PCNX1: variants seen among roughly 807,000 people sequenced by gnomAD.
The protein encoded by PCNX1 is pecanex 1, also known as pecanex-like protein 1.
A neutral mutation model predicts 242.2 loss-of-function variants in PCNX1; 78 were observed. The ratio of observed to expected loss-of-function variants is 0.32; its 90% CI spans 0.27 to 0.39. The LOEUF is 0.39. Ranked by LOEUF, PCNX1 falls within the 10% of genes least tolerant of loss-of-function variation. The pLI is 1.00. For synonymous variants in PCNX1, 1,024 were observed against 1,032.9 expected, an observed-to-expected ratio of 0.99 and a Z score of 0.17; for missense variants, 2,581 against 2,856.5, an observed-to-expected ratio of 0.90 and a Z score of 2.20.
At chr14:70,992,533 A>G (rs1477149495) in intron 7 of PCNX1, among the ~76,000 whole-genome samples, 1 of 144,752 alleles carries the variant, frequency 6.9e-6, no homozygotes. Context: ...TTAGTTGGAG[A>G]GACACATAGA....
At chr14:71,073,865 G>GTA (rs890335051) in intron 27 of PCNX1, 67 bp downstream of exon 27, 114 of 1,138,118 alleles carry the variant, frequency 1.0e-4, no homozygotes, top group Admixed American at 4.6e-4. Flanking sequence ...ACATATATAA[G>GTA]TATATATATA....
intron 26 of PCNX1, among the ~76,000 whole-genome samples, chr14:71,071,808 T>C (rs1043099391): frequency 6.6e-6 from 1 of 152,156 alleles, no homozygotes; most frequent in African/African-American, 2.4e-5. Flanking sequence ...TAGCATTTGA[T>C]TTGAAGTGAG....
In PCNX1 at chr14:71,014,948, T is replaced by C. The variant is rs28771184; in HGVS notation, c.2996+1746T>C. Among the ~76,000 whole-genome samples the C allele has an allele frequency of 8.4e-3, 1,279 of 152,126 alleles. 11 individuals carry two copies. Among genetic ancestry groups the C allele is most frequent in the African/African-American group, 0.029 (1,196 of 41,524 alleles). Reference sequence around the variant, plus strand: ...CAACTGCTCAAAACCAGTGATAAAATTGTTAAAATTGCAAAAGAAAAAAAG... The same window carrying C: ...CAACTGCTCAAAACCAGTGATAAAACTGTTAAAATTGCAAAAGAAAAAAAG... On this transcript the variant is annotated intron_variant, in intron 11 of 35. Coordinates refer to ENST00000304743, the MANE Select transcript of PCNX1 (RefSeq NM_014982.3).
intron 24 of PCNX1, among the ~76,000 whole-genome samples, chr14:71,052,872 A>C (rs371770149): frequency 3.6e-3 from 549 of 152,280 alleles, no homozygotes; most frequent in African/African-American, 0.013. Context: ...TTGTTTCAGA[A>C]AGCGTTCCTA....
At chr14:71,104,863 T>C (rs1595515612) in intron 32 of PCNX1, among the ~76,000 whole-genome samples, 2 of 152,042 alleles carry the variant, frequency 1.3e-5, no homozygotes, top group Admixed American at 1.3e-4. Context: ...GAGGTGGAGG[T>C]TGCAGTGAGC....
intron 2 of PCNX1, among the ~76,000 whole-genome samples, chr14:70,952,138 A>T (rs1451906113): frequency 6.6e-6 from 1 of 152,220 alleles, no homozygotes; most frequent in African/African-American, 2.4e-5. Flanking sequence ...AATAAATGAA[A>T]TAATATATAG....
intron 27 of PCNX1, among the ~76,000 whole-genome samples, chr14:71,074,529 T>G (rs1316166178): frequency 1.3e-5 from 2 of 152,246 alleles, no homozygotes; most frequent in Non-Finnish European, 2.9e-5. Flanking sequence ...AGTTGTCCTC[T>G]CACAGTAGAG....
chr14:70,923,672 C>T (rs2526868), intron 1 of PCNX1, among the ~76,000 whole-genome samples: 106,096 of 152,008 alleles, frequency 0.7, 37,003 homozygotes, highest in South Asian at 0.76. Context: ...CCCCACCCCC[C>T]ACTTAATATA....
intron 30 of PCNX1, among the ~76,000 whole-genome samples, chr14:71,099,192 T>C (rs920444697): frequency 6.8e-6 from 1 of 147,900 alleles, no homozygotes; most frequent in Non-Finnish European, 1.5e-5. Context: ...GGAGTCTCAC[T>C]TTGTTGCCCA....
At chr14:71,019,459 A>G (rs1595263586) in intron 12 of PCNX1, among the ~76,000 whole-genome samples, 1 of 152,164 alleles carries the variant, frequency 6.6e-6, no homozygotes, top group Admixed American at 6.5e-5. Flanking sequence ...CTGCAGTGCA[A>G]TGATGCTATC....
chr14:70,946,737 C>CA, intron 1 of PCNX1, 178 bp from the exon 2 acceptor site: 1 of 568,130 alleles, frequency 1.8e-6, no homozygotes, highest in Non-Finnish European at 3.1e-6. Context: ...TCAGTAGCCA[C>CA]ATGTAGCTAG....
rs1299206073 is a variant in PCNX1, at chr14:71,114,736, G to A, written c.*4801G>A. The stretch of plus-strand genomic sequence containing the variant: ...ACAATTTATGATTCAGTGGAGCCAA[G>A]CTAGAAGGAACAAAGGTCATCTAAC... On this transcript the variant is annotated 3_prime_UTR_variant, in exon 36 of 36. Coordinates refer to ENST00000304743, the MANE Select transcript of PCNX1 (RefSeq NM_014982.3). The A allele has an allele frequency of 1.3e-5, 2 of 152,518 alleles. No individual in the cohort carries two copies. 9.4% of individuals were successfully genotyped at this position (152,518 alleles called of 1,614,324 possible).
intron 1 of PCNX1, among the ~76,000 whole-genome samples, chr14:70,934,890 A>T (rs1383466309): frequency 6.6e-6 from 1 of 152,202 alleles, no homozygotes; most frequent in Non-Finnish European, 1.5e-5. Context: ...ATGATCTATT[A>T]TGATCTGCTG....
intron 30 of PCNX1, among the ~76,000 whole-genome samples, chr14:71,096,555 T>C (rs555854653): frequency 1.2e-4 from 19 of 152,336 alleles, no homozygotes; most frequent in African/African-American, 3.8e-4. Context: ...AATACTACTC[T>C]ACAAAGATGG....
At chr14:71,080,670 G>C (rs1168251502) in intron 28 of PCNX1, among the ~76,000 whole-genome samples, 3 of 152,112 alleles carry the variant, frequency 2.0e-5, no homozygotes, top group Admixed American at 2.0e-4. Context: ...TTGGCCCTCT[G>C]TCTGTTATTG....
intron 1 of PCNX1, among the ~76,000 whole-genome samples, chr14:70,928,859 T>A (rs542589950): frequency 2.0e-5 from 3 of 152,340 alleles, no homozygotes; most frequent in East Asian, 1.9e-4. Flanking sequence ...TAACCAGTTA[T>A]AATTCTCAGA....
chr14:70,949,312 TAG>T, intron 2 of PCNX1, among the ~76,000 whole-genome samples: 3 of 131,870 alleles, frequency 2.3e-5, no homozygotes, highest in East Asian at 3.2e-4. Flanking sequence ...CATATGTGTG[TAG>T]ATACACACGT....
intron 30 of PCNX1, among the ~76,000 whole-genome samples, chr14:71,098,004 G>T (rs1458605090): frequency 6.6e-6 from 1 of 152,062 alleles, no homozygotes; most frequent in Non-Finnish European, 1.5e-5. Flanking sequence ...TCTGCATATG[G>T]CTAGCCAGCT....
At chr14:70,917,833 T>G (rs1165500299) in intron 1 of PCNX1, among the ~76,000 whole-genome samples, 2 of 152,262 alleles carry the variant, frequency 1.3e-5, no homozygotes, top group Non-Finnish European at 1.5e-5. Context: ...GATGGCATAT[T>G]CTTCCAGAAG....
Sources: allele counts gnomAD v4.1 joint callset (sites outside exome capture counted in the v4.1 genomes callset), GRCh38; gene constraint gnomAD v4.1.1; transcripts MANE v1.5; gene names NCBI Gene and HGNC (gene_info 2026-07-23, HGNC 2026-07-21).